PLSCR1: variants seen among roughly 807,000 people sequenced by gnomAD.
The protein encoded by PLSCR1 is PL scramblase 1.
In PLSCR1, 17 loss-of-function variants were observed where a neutral mutation model predicts 37.8. The ratio of observed to expected loss-of-function variants is 0.45; its 90% CI spans 0.31 to 0.68. PLSCR1 has a LOEUF of 0.68. Among genes scored for constraint, PLSCR1 ranks in the 30% least tolerant of loss-of-function variants. The probability of loss-of-function intolerance (pLI) is 0.06; values close to 1 mark genes in which losing one functional copy is unlikely to be tolerated. For synonymous variants in PLSCR1, 116 were observed against 125.9 expected (o/e 0.92, Z 0.53); for missense variants, 347 against 380.9 (o/e 0.91, Z 0.74).
Position 146,533,566 on chromosome 3 carries a change from A to G in PLSCR1, c.14-16T>C. 6.7e-7 allele frequency: 1 copy of G among 1,494,084 alleles called. No homozygotes were observed. Among genetic ancestry groups the G allele is most frequent in the Non-Finnish European group, 9.3e-7 (1 of 1,074,950 alleles). 92.6% of individuals were successfully genotyped at this position (1,494,084 alleles called of 1,614,324 possible). A position where few individuals can be genotyped will look rare whatever the true frequency, so the allele number is the denominator to read the frequency against. ...ATCTGTGAGTCTGCAATTCAAGGAGAGGTAAATAGATGTCTGATTAAATAA... is the reference window on the plus strand; with the variant it reads ...ATCTGTGAGTCTGCAATTCAAGGAGGGGTAAATAGATGTCTGATTAAATAA... On this transcript the variant is annotated splice_polypyrimidine_tract_variant and intron_variant, in intron 2 of 8. Transcript: ENST00000342435.
At chr3:146,528,868 C>T (rs1398772818) in intron 3 of PLSCR1, 37 bp from the exon 4 acceptor site, 3 of 1,502,480 alleles carry the variant, frequency 2.0e-6, no homozygotes, top group Admixed American at 1.8e-5. Context: ...TGTAACTGCA[C>T]CAAAAATGGA....
intron 3 of PLSCR1, among the ~76,000 whole-genome samples, chr3:146,529,307 C>T (rs898580727): frequency 2.0e-5 from 3 of 152,086 alleles, no homozygotes; most frequent in African/African-American, 4.8e-5. Flanking sequence ...GTTTTGCCCC[C>T]TCTCTGCCAG....
chr3:146,534,600 A>G (rs1560088978), intron 2 of PLSCR1, among the ~76,000 whole-genome samples: 1 of 152,058 alleles, frequency 6.6e-6, no homozygotes, highest in Non-Finnish European at 1.5e-5. Context: ...AAATAGCTTC[A>G]TGATGACTTC....
At position 146,515,293 on chromosome 3, in the gene PLSCR1, C is replaced by T. The variant is rs1447484521; in HGVS notation, c.*752G>A. The T allele has an allele frequency of 6.6e-6, 1 of 152,092 alleles. No individual in the cohort carries two copies. The highest frequency in any genetic ancestry group is 6.5e-5 in the Admixed American group (1 of 15,270). 9.4% of individuals were successfully genotyped at this position (152,092 alleles called of 1,614,324 possible). A position where few individuals can be genotyped will look rare whatever the true frequency, so the allele number is the denominator to read the frequency against. On this transcript the variant is annotated 3_prime_UTR_variant, in exon 9 of 9. Coordinates refer to ENST00000342435, the MANE Select transcript of PLSCR1 (RefSeq NM_021105.3). ...TATTTAATTAATATCTGAGTAATCT[C>T]AATTACCATTTTCTAGGAAGGATAG...
At chr3:146,539,409 A>G (rs1023183090) in intron 1 of PLSCR1, among the ~76,000 whole-genome samples, 1 of 152,218 alleles carries the variant, frequency 6.6e-6, no homozygotes, top group Admixed American at 6.5e-5. Context: ...GTACAAGCCC[A>G]GTTCCTAACA....
chr3:146,541,333 CAA>C (rs1333397861), intron 1 of PLSCR1, among the ~76,000 whole-genome samples: 1 of 152,044 alleles, frequency 6.6e-6, no homozygotes, highest in African/African-American at 2.4e-5. Flanking sequence ...AAAAGTAAAC[CAA>C]AGAGACAAAG....
intron 4 of PLSCR1, chr3:146,527,884 A>C (rs964134889): frequency 3.3e-5 from 5 of 152,164 alleles, no homozygotes; most frequent in African/African-American, 1.2e-4. Flanking sequence ...TTCTAACACC[A>C]ATTAAATGTT....
At chr3:146,523,490 AT>A (rs34227706) in intron 5 of PLSCR1, among the ~76,000 whole-genome samples, 2 of 152,262 alleles carry the variant, frequency 1.3e-5, no homozygotes, top group Middle Eastern at 3.4e-3. Flanking sequence ...CTTATGTCTT[AT>A]TTTTTTGCAA....
chr3:146,529,738 C>T (rs2044170826), intron 3 of PLSCR1, among the ~76,000 whole-genome samples: 2 of 152,236 alleles, frequency 1.3e-5, no homozygotes, highest in South Asian at 4.1e-4. Flanking sequence ...TGGTCTCGAT[C>T]TCCTGACCTC....
chr3:146,539,520 G>A (rs1882974), intron 1 of PLSCR1, among the ~76,000 whole-genome samples: 14 of 151,960 alleles, frequency 9.2e-5, no homozygotes, highest in Admixed American at 2.0e-4. Flanking sequence ...GTTTCAAGTC[G>A]TTGCCAAATG....
intron 8 of PLSCR1, chr3:146,516,692 G>T (rs923498055): frequency 5.0e-6 from 1 of 201,192 alleles, no homozygotes; most frequent in South Asian, 1.3e-4. Context: ...TTCCACATAT[G>T]CCTACTTTCA....
chr3:146,531,947 A>G (rs2044204734), intron 3 of PLSCR1, among the ~76,000 whole-genome samples: 1 of 152,170 alleles, frequency 6.6e-6, no homozygotes, highest in Non-Finnish European at 1.5e-5. Context: ...CATAATGGGG[A>G]TAACTGACAG....
rs1349399168 is a variant in PLSCR1 at position 146,515,223 on chromosome 3, GATC to G, written c.*819_*821del. On this transcript the variant is annotated 3_prime_UTR_variant, in exon 9 of 9. Coordinates refer to ENST00000342435, the MANE Select transcript of PLSCR1 (RefSeq NM_021105.3). ...TTATTTCAAATATTTGAATCTAATA[GATC>G]ATTATTTAGGTTTATACTCTGTGAA... The G allele has an allele frequency of 6.6e-6, 1 of 151,996 alleles. No homozygotes were observed. Among genetic ancestry groups the G allele is most frequent in the Non-Finnish European group, 1.5e-5 (1 of 68,016 alleles). The allele number at this position is 151,996 out of a possible 1,614,324, so 9.4% of individuals were successfully genotyped here.
intron 7 of PLSCR1, chr3:146,520,318 T>C (rs2044001645): frequency 6.6e-6 from 1 of 152,194 alleles, no homozygotes; most frequent in Admixed American, 6.5e-5. Flanking sequence ...AGTGTTTTCA[T>C]TTATTTACTA....
At chr3:146,536,418 A>G in intron 2 of PLSCR1, 122 bp downstream of exon 2, 1 of 639,278 alleles carries the variant, frequency 1.6e-6, no homozygotes, top group South Asian at 1.9e-5. Context: ...ATTCTGGAGC[A>G]TAAACAACAG....
rs1414709386 is a variant in PLSCR1 at position 146,525,296 on chromosome 3, G to A, written c.355+309C>T. 5.3e-5 allele frequency among the ~76,000 whole-genome samples: 8 copies of A among 152,164 alleles called. 1 individual carries two copies. Among genetic ancestry groups the A allele is most frequent in the Non-Finnish European group, 1.0e-4 (7 of 68,026 alleles). On this transcript the variant is annotated intron_variant, in intron 5 of 8. Coordinates refer to ENST00000342435, the MANE Select transcript of PLSCR1 (RefSeq NM_021105.3). ...CCATTCTTAAGCTGATCACAATTAC[G>A]GAGAAAATAGCTTAAGTGGTAGAAG...
At chr3:146,544,234 GC>G (rs2044375204) in intron 1 of PLSCR1, among the ~76,000 whole-genome samples, 1 of 152,062 alleles carries the variant, frequency 6.6e-6, no homozygotes. Flanking sequence ...GGGGCCCCTT[GC>G]CGTGTACCTG....
chr3:146,517,267 T>C lies in PLSCR1; in HGVS notation c.739-100A>G, dbSNP rs1329952062. 5.0e-6 allele frequency: 3 copies of C among 598,792 alleles called. No homozygotes were observed. In the African/African-American group the frequency reaches 5.8e-5, roughly 12 times the overall value. The allele number at this position is 598,792 out of a possible 1,614,324, so 37.1% of individuals were successfully genotyped here. On this transcript the variant is annotated intron_variant, in intron 7 of 8. Coordinates refer to ENST00000342435, the MANE Select transcript of PLSCR1 (RefSeq NM_021105.3). ...TGAAACAAATATGGTATTAAAATTA[T>C]GCACCATATGTAACCCTCATTAGAT...
intron 1 of PLSCR1, among the ~76,000 whole-genome samples, chr3:146,544,133 G>C (rs775486464): frequency 6.6e-5 from 10 of 152,314 alleles, no homozygotes; most frequent in South Asian, 2.1e-4. Flanking sequence ...TGTAGCTAAG[G>C]GGAAGCTGAG....
Sources: gnomAD v4.1 joint callset for allele counts (sites outside exome capture counted in the v4.1 genomes callset) on GRCh38, gnomAD v4.1.1 for gene constraint, MANE v1.5 for transcripts, NCBI Gene and HGNC (gene_info 2026-07-23, HGNC 2026-07-21) for gene names.